Variants in SCIN observed in about 807,000 individuals in gnomAD.
SCIN encodes adseverin.
In SCIN, 91 loss-of-function variants were observed where a neutral mutation model predicts 91.8. The ratio of observed to expected loss-of-function variants is 0.99; its 90% CI spans 0.84 to 1.18. SCIN has a LOEUF of 1.18. Among genes scored for constraint, SCIN ranks in the 50% most tolerant of loss-of-function variants. The pLI, the probability that SCIN is intolerant of heterozygous loss-of-function variation, is 0.00. For synonymous variants in SCIN, 367 were observed against 312.6 expected, an observed-to-expected ratio of 1.17 and a Z score of -1.84; for missense variants, 1,087 against 863.9, an observed-to-expected ratio of 1.26 and a Z score of -3.24.
Position 12,588,492 on chromosome 7 carries a change from G to T in SCIN, c.516+7271G>T, listed in dbSNP as rs191825790. On this transcript the variant is annotated intron_variant, in intron 3 of 15. Coordinates refer to ENST00000297029, the MANE Select transcript of SCIN (RefSeq NM_001112706.3). ...GAGAGAGAGACCCAAGGTCAGGAGA[G>T]TAAGTTTACTAACCTGCCAGGCTGC... Among the ~76,000 whole-genome samples, 956 of 152,164 alleles carry T rather than the reference G, an allele frequency of 6.3e-3. 15 individuals carry two copies. Among genetic ancestry groups the T allele is most frequent in the African/African-American group, 0.021 (884 of 41,498 alleles).
chr7:12,636,291 C>A (rs2115287809), intron 10 of SCIN, among the ~76,000 whole-genome samples, 156 bp downstream of exon 10: 1 of 152,226 alleles, frequency 6.6e-6, no homozygotes, highest in East Asian at 1.9e-4. Flanking sequence ...ACTCTCATTT[C>A]AAATTAGTTA....
chr7:12,576,277 C>T (rs1018921187), intron 1 of SCIN, among the ~76,000 whole-genome samples: 5 of 151,988 alleles, frequency 3.3e-5, no homozygotes, highest in East Asian at 1.9e-4. Context: ...GCAAAATTGC[C>T]GGTGTGTCAA....
intron 4 of SCIN, among the ~76,000 whole-genome samples, chr7:12,617,211 A>C (rs1783317483): frequency 6.6e-6 from 1 of 152,126 alleles, no homozygotes; most frequent in Admixed American, 6.6e-5. Flanking sequence ...AAGGTGAAGA[A>C]AGGGTACAGG....
At chr7:12,579,926 A>T (rs890263239) in intron 2 of SCIN, among the ~76,000 whole-genome samples, 2 of 152,192 alleles carry the variant, frequency 1.3e-5, no homozygotes, top group African/African-American at 4.8e-5. Context: ...AAACAGGAGT[A>T]CATAGATGAA....
rs750224350 is a variant in SCIN at position 12,649,559 on chromosome 7, T to C, written c.1959+15T>C. 1.3e-6 allele frequency: 2 copies of C among 1,564,902 alleles called. No individual in the cohort carries two copies. The highest frequency in any genetic ancestry group is 1.7e-6 in the Non-Finnish European group (2 of 1,147,264). On this transcript the variant is annotated intron_variant, in intron 14 of 15. Transcript: ENST00000297029. ...CTTGGGAACAGGTAAAACTACATTT[T>C]GTTCATAAGAAGAGAATGCATTTTT...
chr7:12,579,254 CA>C (rs1043267071), intron 2 of SCIN, among the ~76,000 whole-genome samples: 3 of 152,092 alleles, frequency 2.0e-5, no homozygotes, highest in Admixed American at 6.5e-5. Context: ...GAGATCAGAA[CA>C]AAACACTTAT....
At chr7:12,614,435 C>A (rs902581182) in intron 4 of SCIN, among the ~76,000 whole-genome samples, 1 of 152,100 alleles carries the variant, frequency 6.6e-6, no homozygotes, top group African/African-American at 2.4e-5. Context: ...CTCTTAAAAC[C>A]CTTACTGTGA....
intron 14 of SCIN, 38 bp downstream of exon 14, chr7:12,649,582 T>G: frequency 6.9e-7 from 1 of 1,439,902 alleles, no homozygotes; most frequent in Non-Finnish European, 9.6e-7. Flanking sequence ...AGAATGCATT[T>G]TTGGTTGGGA....
intron 9 of SCIN, among the ~76,000 whole-genome samples, chr7:12,635,611 CAAAAAAAAA>C (rs59324421): frequency 0.02 from 117 of 5,844 alleles, 3 homozygotes; most frequent in East Asian, 0.098. Flanking sequence ...GACTCCGTCT[CAAAAAAAAA>C]AAAAAAAAAA....
chr7:12,622,726 T>C, intron 4 of SCIN, 75 bp from the exon 5 acceptor site: 1 of 979,762 alleles, frequency 1.0e-6, no homozygotes, highest in Non-Finnish European at 1.6e-6. Context: ...CATGTCTTTA[T>C]AAGTGTATTT....
chr7:12,577,972 A>G, intron 1 of SCIN, 92 bp from the exon 2 acceptor site: 2 of 1,156,462 alleles, frequency 1.7e-6, no homozygotes, highest in Non-Finnish European at 2.4e-6. Flanking sequence ...TACATAATTG[A>G]AATGAAAATT....
chr7:12,635,782 C>T (rs928881244), intron 9 of SCIN, among the ~76,000 whole-genome samples: 1 of 151,914 alleles, frequency 6.6e-6, no homozygotes, highest in Non-Finnish European at 1.5e-5. Context: ...AACCCAATTA[C>T]TTAGCTAAAT....
chr7:12,625,242 T>A, intron 6 of SCIN, 100 bp downstream of exon 6: 1 of 1,121,226 alleles, frequency 8.9e-7, no homozygotes, highest in East Asian at 2.7e-5. Context: ...AAAGCCCACC[T>A]TTTAATTAAG....
intron 4 of SCIN, among the ~76,000 whole-genome samples, chr7:12,605,225 G>T (rs930591981): frequency 6.6e-6 from 1 of 151,982 alleles, no homozygotes; most frequent in African/African-American, 2.4e-5. Context: ...CTAATTTTTT[G>T]TATTTTTGGT....
intron 1 of SCIN, chr7:12,577,840 A>G (rs1782406647): frequency 6.2e-6 from 3 of 480,898 alleles, no homozygotes; most frequent in Non-Finnish European, 1.1e-5. Flanking sequence ...TTAGCAACAG[A>G]GCAACACCCT....
intron 1 of SCIN, among the ~76,000 whole-genome samples, chr7:12,573,314 G>T (rs1782306127): frequency 6.6e-6 from 1 of 152,084 alleles, no homozygotes; most frequent in African/African-American, 2.4e-5. Context: ...AGAAACTAAA[G>T]TTAAACTGAG....
intron 11 of SCIN, among the ~76,000 whole-genome samples, chr7:12,643,172 C>T (rs1783890143): frequency 6.6e-6 from 1 of 152,116 alleles, no homozygotes; most frequent in Non-Finnish European, 1.5e-5. Context: ...TATTTTCTTG[C>T]AGCCTCTCAA....
At chr7:12,644,554 G>A in intron 12 of SCIN, 30 bp from the exon 13 acceptor site, 1 of 1,608,560 alleles carries the variant, frequency 6.2e-7, no homozygotes, top group Non-Finnish European at 8.5e-7. Context: ...CCCTGAAAAT[G>A]CACTGGATAA....
At chr7:12,645,608 C>A (rs11978190) in intron 13 of SCIN, among the ~76,000 whole-genome samples, 1 of 152,036 alleles carries the variant, frequency 6.6e-6, no homozygotes, top group East Asian at 1.9e-4. Flanking sequence ...AGCCTAGTAT[C>A]CATTAGTTAT....
Sources: allele counts gnomAD v4.1 joint callset (sites outside exome capture counted in the v4.1 genomes callset), GRCh38; gene constraint gnomAD v4.1.1; transcripts MANE v1.5; gene names NCBI Gene and HGNC (gene_info 2026-07-23, HGNC 2026-07-21).